Variants in CCSER1 observed in about 807,000 individuals in gnomAD.
CCSER1 encodes the protein coiled-coil serine rich protein 1, also known as serine-rich coiled-coil domain-containing protein 1.
CCSER1 carries 41 observed loss-of-function variants against 82.0 expected under a neutral mutation model. The ratio of observed to expected loss-of-function variants is 0.50; its 90% CI spans 0.39 to 0.65. CCSER1 has a LOEUF of 0.65. Ranked by LOEUF, CCSER1 falls within the 30% of genes least tolerant of loss-of-function variation. The pLI, the probability that CCSER1 is intolerant of heterozygous loss-of-function variation, is 0.00. For missense variants in CCSER1, 1,119 were observed against 1,064.2 expected (o/e 1.05, Z -0.72); for synonymous variants, 414 against 383.9 (o/e 1.08, Z -0.92).
At chr4:90,198,456 G>C (rs1456643672) in intron 1 of CCSER1, among the ~76,000 whole-genome samples, 1 of 152,122 alleles carries the variant, frequency 6.6e-6, no homozygotes, top group African/African-American at 2.4e-5. Flanking sequence ...GCTGTGCTAG[G>C]TTTGGTGCTA....
At chr4:90,433,294 T>C (rs1341716796) in intron 4 of CCSER1, among the ~76,000 whole-genome samples, 1 of 152,110 alleles carries the variant, frequency 6.6e-6, no homozygotes, top group African/African-American at 2.4e-5. Flanking sequence ...TGACTCCTCC[T>C]TTTTAAGTTT....
intron 6 of CCSER1, among the ~76,000 whole-genome samples, chr4:90,696,254 A>G (rs946298908): frequency 1.3e-5 from 2 of 152,158 alleles, no homozygotes; most frequent in Non-Finnish European, 2.9e-5. Context: ...TTAACTGATT[A>G]GCTCCTGCCA....
At chr4:90,306,129 C>A (rs991068789) in intron 1 of CCSER1, among the ~76,000 whole-genome samples, 1 of 152,012 alleles carries the variant, frequency 6.6e-6, no homozygotes, top group Non-Finnish European at 1.5e-5. Flanking sequence ...TAATTAAACT[C>A]ATAGAAGTAG....
intron 6 of CCSER1, among the ~76,000 whole-genome samples, chr4:90,670,301 G>T (rs977315188): frequency 6.6e-6 from 1 of 152,058 alleles, no homozygotes; most frequent in Non-Finnish European, 1.5e-5. Flanking sequence ...GATTTCAGTT[G>T]CCCATATTTA....
intron 7 of CCSER1, among the ~76,000 whole-genome samples, chr4:90,791,183 C>A (rs965851061): frequency 6.6e-6 from 1 of 152,100 alleles, no homozygotes; most frequent in Non-Finnish European, 1.5e-5. Flanking sequence ...ATGAGGCTAC[C>A]ATGGGGGGAA....
At chr4:90,559,976 C>G (rs1334307320) in intron 5 of CCSER1, among the ~76,000 whole-genome samples, 1 of 150,522 alleles carries the variant, frequency 6.6e-6, no homozygotes, top group African/African-American at 2.4e-5. Flanking sequence ...AAAACTACAA[C>G]AACAACAACA....
At chr4:91,377,666 T>G (rs898092317) in intron 10 of CCSER1, among the ~76,000 whole-genome samples, 2 of 152,196 alleles carry the variant, frequency 1.3e-5, no homozygotes, top group African/African-American at 4.8e-5. Flanking sequence ...GTTAGATGAG[T>G]AGATTGCAAG....
chr4:90,926,512 A>T (rs1424261763), intron 9 of CCSER1, among the ~76,000 whole-genome samples: 2 of 152,082 alleles, frequency 1.3e-5, no homozygotes. Context: ...AACATTAATT[A>T]TAATAAAATC....
intron 10 of CCSER1, among the ~76,000 whole-genome samples, chr4:91,255,435 C>A (rs746852548): frequency 4.6e-5 from 7 of 152,260 alleles, no homozygotes; most frequent in Admixed American, 2.6e-4. Context: ...CAGTGTCTAA[C>A]CATTAGCATT....
At chr4:90,707,460 A>G (rs568470056) in intron 6 of CCSER1, among the ~76,000 whole-genome samples, 167 of 151,990 alleles carry the variant, frequency 1.1e-3, no homozygotes, top group African/African-American at 4.0e-3. Flanking sequence ...CACCTTGGAA[A>G]TCATTCTGCC....
At chr4:90,245,372 T>C (rs906488782) in intron 1 of CCSER1, among the ~76,000 whole-genome samples, 1 of 152,190 alleles carries the variant, frequency 6.6e-6, no homozygotes, top group Non-Finnish European at 1.5e-5. Flanking sequence ...GTGTAATTAG[T>C]GTCCTCAGCT....
At chr4:90,136,770 G>A (rs937904943) in intron 1 of CCSER1, among the ~76,000 whole-genome samples, 4 of 152,174 alleles carry the variant, frequency 2.6e-5, no homozygotes, top group Non-Finnish European at 5.9e-5. Flanking sequence ...AATGGATTGT[G>A]AGTGCTTCTT....
At chr4:90,153,521 A>G (rs1727332255) in intron 1 of CCSER1, among the ~76,000 whole-genome samples, 1 of 151,826 alleles carries the variant, frequency 6.6e-6, no homozygotes, top group African/African-American at 2.4e-5. Flanking sequence ...AAGTGTTCCT[A>G]TTTCTCCACA....
intron 8 of CCSER1, chr4:90,911,138 G>T: frequency 2.7e-6 from 1 of 369,370 alleles, no homozygotes; most frequent in Non-Finnish European, 5.2e-6. Flanking sequence ...AATATCCATT[G>T]TTAAATCTGG....
intron 10 of CCSER1, among the ~76,000 whole-genome samples, chr4:91,321,358 A>G (rs1389472226): frequency 6.6e-6 from 1 of 152,062 alleles, no homozygotes; most frequent in Non-Finnish European, 1.5e-5. Flanking sequence ...GAGCGGCCAA[A>G]ATTTATTCCA....
intron 8 of CCSER1, among the ~76,000 whole-genome samples, chr4:90,854,944 G>T (rs893728017): frequency 6.6e-6 from 1 of 152,068 alleles, no homozygotes; most frequent in African/African-American, 2.4e-5. Flanking sequence ...ATGGCTGAAG[G>T]GTTAAAGGGA....
At position 90,374,349 on chromosome 4, in the gene CCSER1, G is replaced by A. The variant is rs148262802; in HGVS notation, c.1510-25687G>A. On this transcript the variant is annotated intron_variant, in intron 3 of 10. Transcript: ENST00000509176. ...ATTAGCAGATAGAATACTGGAAAGC[G>A]TGCATAAAGAGAGCTGCTTGAACAG... 2.0e-4 allele frequency among the ~76,000 whole-genome samples: 31 copies of A among 152,222 alleles called. No individual in the cohort carries two copies. In the East Asian group the frequency reaches 5.8e-3, roughly 28 times the overall value.
chr4:91,577,610 G>C (rs1403243260), intron 10 of CCSER1, among the ~76,000 whole-genome samples: 2 of 151,892 alleles, frequency 1.3e-5, no homozygotes, highest in African/African-American at 4.8e-5. Context: ...ACCTTGAAAG[G>C]GTCTTGTAGA....
intron 5 of CCSER1, among the ~76,000 whole-genome samples, chr4:90,483,313 T>G (rs1179619857): frequency 6.6e-6 from 1 of 152,248 alleles, no homozygotes; most frequent in Admixed American, 6.5e-5. Flanking sequence ...TAATGGGTCT[T>G]GACTCTTTAT....
Sources: gnomAD v4.1 joint callset for allele counts (sites outside exome capture counted in the v4.1 genomes callset) on GRCh38, gnomAD v4.1.1 for gene constraint, MANE v1.5 for transcripts, NCBI Gene and HGNC (gene_info 2026-07-23, HGNC 2026-07-21) for gene names.